Variants in HSF5 observed in about 807,000 individuals in gnomAD.
HSF5 encodes heat shock transcription factor 5, also known as heat shock factor protein 5.
In HSF5, 5 loss-of-function variants were observed where a neutral mutation model predicts 50.8. That is an observed-to-expected ratio of 0.10 (90% CI 0.05 to 0.21). The LOEUF (loss-of-function observed/expected upper bound fraction) is 0.21, where lower values mean the gene tolerates loss of function less well. Among genes scored for constraint, HSF5 ranks in the 10% least tolerant of loss-of-function variants. The pLI is 1.00. For synonymous variants in HSF5, 307 were observed against 307.4 expected, an observed-to-expected ratio of 1.00 and a Z score of 0.02; for missense variants, 564 against 762.6, an observed-to-expected ratio of 0.74 and a Z score of 3.07.
chr17:58,422,521 T>C (rs1469135381), intron 5 of HSF5, 91 bp from the exon 6 acceptor site: 2 of 931,934 alleles, frequency 2.1e-6, no homozygotes, highest in Non-Finnish European at 3.3e-6. Context: ...TGTCTATGTC[T>C]CACCTGTAGA....
intron 2 of HSF5, among the ~76,000 whole-genome samples, chr17:58,478,125 T>C (rs951621920): frequency 2.6e-5 from 4 of 151,910 alleles, no homozygotes; most frequent in African/African-American, 9.7e-5. Context: ...TGCTGTTGTG[T>C]TTTTGCAAAA....
intron 5 of HSF5, among the ~76,000 whole-genome samples, chr17:58,454,996 T>C (rs942677835): frequency 6.6e-6 from 1 of 151,888 alleles, no homozygotes; most frequent in African/African-American, 2.4e-5. Context: ...CATATAGCAA[T>C]ACAAAAGACC....
chr17:58,470,795 G>A (rs1974933562), intron 2 of HSF5, among the ~76,000 whole-genome samples: 3 of 152,102 alleles, frequency 2.0e-5, no homozygotes, highest in East Asian at 1.9e-4. Context: ...GTGTGGTGGT[G>A]CACGCCTGTA....
chr17:58,453,837 C>T (rs924324176), intron 5 of HSF5, among the ~76,000 whole-genome samples: 1 of 151,938 alleles, frequency 6.6e-6, no homozygotes, highest in African/African-American at 2.4e-5. Flanking sequence ...ACCTGTAAAC[C>T]CAGCACTTTG....
chr17:58,425,027 T>C (rs1290077190), intron 5 of HSF5, among the ~76,000 whole-genome samples: 1 of 152,136 alleles, frequency 6.6e-6, no homozygotes, highest in Non-Finnish European at 1.5e-5. Context: ...GTTTTGTAGA[T>C]GAATGGTAGT....
chr17:58,484,792 T>A (rs1162681870), intron 1 of HSF5, among the ~76,000 whole-genome samples: 3 of 152,134 alleles, frequency 2.0e-5, no homozygotes, highest in African/African-American at 7.2e-5. Context: ...TCTTCTAAAC[T>A]CCACAGTGGT....
At chr17:58,447,730 G>T (rs1974579445) in intron 5 of HSF5, among the ~76,000 whole-genome samples, 2 of 152,030 alleles carry the variant, frequency 1.3e-5, no homozygotes, top group South Asian at 2.1e-4. Flanking sequence ...GAACTCAACA[G>T]GCAGTCCTCT....
intron 4 of HSF5, among the ~76,000 whole-genome samples, chr17:58,459,786 C>T (rs1974766596): frequency 1.3e-5 from 2 of 151,938 alleles, no homozygotes; most frequent in African/African-American, 4.8e-5. Flanking sequence ...CACACCTGAC[C>T]AAAAGTAAGA....
chr17:58,438,136 C>A (rs547662199), intron 5 of HSF5, among the ~76,000 whole-genome samples: 2 of 151,926 alleles, frequency 1.3e-5, no homozygotes, highest in African/African-American at 2.4e-5. Context: ...TGATTTTGGT[C>A]AGTGACAGAC....
chr17:58,463,284 G>A lies in HSF5; in HGVS notation c.1040C>T (p.Ser347Phe), dbSNP rs758311901. ...GGAAGGCAAAAATTCAACTGGATAG[G>A]AGGACTGCATTGAAGGATTCTGGGA... ...NYFQNPSMQS[S>F]YPVEFLPSNW... is the part of the protein sequence containing the mutation. The change falls in exon 4 of 6, where the codon TCC (serine) becomes TTC (phenylalanine). Residue 347 changes from serine (S) to phenylalanine (F), a missense_variant. By Grantham distance (155) the Ser-to-Phe change is radical. Transcript: ENST00000323777. 1.4e-5 allele frequency: 22 copies of A among 1,613,104 alleles called. No homozygotes were observed. Among genetic ancestry groups the A allele is most frequent in the Non-Finnish European group, 1.8e-5 (21 of 1,179,404 alleles).
intron 2 of HSF5, chr17:58,476,037 C>CA (rs1011689973): frequency 3.3e-4 from 135 of 409,748 alleles, no homozygotes; most frequent in Admixed American, 1.3e-3. Context: ...GGAAAACAAA[C>CA]AAAAAAAACA....
chr17:58,458,851 C>G lies in HSF5; in HGVS notation c.1637G>C (p.Ser546Thr), dbSNP rs1270412952. 1 of 1,614,026 alleles carries G rather than the reference C, an allele frequency of 6.2e-7. No homozygotes were observed. Among genetic ancestry groups the G allele is most frequent in the Non-Finnish European group, 8.5e-7 (1 of 1,179,998 alleles). ...GFLISEMGPA[S>T]KPSEDTGLAT... ...TAAACCTGTGTCTTCACTAGGCTTGCTAGCAGGCCCCATTTCTGAAATGAG... is the reference window on the plus strand; with the variant it reads ...TAAACCTGTGTCTTCACTAGGCTTGGTAGCAGGCCCCATTTCTGAAATGAG... The change falls in exon 5 of 6, where the codon AGC becomes ACC. Residue 546 changes from serine (S) to threonine (T), a missense_variant. Ser to Thr is a moderately conservative substitution (Grantham distance 58, BLOSUM62 1). Transcript: ENST00000323777.
intron 5 of HSF5, among the ~76,000 whole-genome samples, chr17:58,443,557 T>C (rs1332438821): frequency 6.6e-6 from 1 of 152,202 alleles, no homozygotes. Flanking sequence ...GTCTCAAGCA[T>C]CTCTTCCTTT....
rs1974218594 is a variant in HSF5, at chr17:58,420,676, T to C, written c.*1684A>G. 1 of 152,200 alleles carries C rather than the reference T, an allele frequency of 6.6e-6. No individual in the cohort carries two copies. Among genetic ancestry groups the C allele is most frequent in the Admixed American group, 6.5e-5 (1 of 15,286 alleles). The allele number at this position is 152,200 out of a possible 1,614,324, so 9.4% of individuals were successfully genotyped here. ...CATACTCTGACAAAATATTATATAG[T>C]CTGGCCAAAAGATATAGGTGTCTTG... On this transcript the variant is annotated 3_prime_UTR_variant, in exon 6 of 6. Coordinates refer to ENST00000323777, the MANE Select transcript of HSF5 (RefSeq NM_001080439.3).
chr17:58,434,072 C>G (rs1974396527), intron 5 of HSF5, among the ~76,000 whole-genome samples: 1 of 151,808 alleles, frequency 6.6e-6, no homozygotes, highest in Admixed American at 6.6e-5. Context: ...TGCCACCCCG[C>G]CTGGTTAATT....
chr17:58,471,435 T>C (rs1010570921), intron 2 of HSF5, among the ~76,000 whole-genome samples: 1 of 152,136 alleles, frequency 6.6e-6, no homozygotes, highest in African/African-American at 2.4e-5. Context: ...TGTACATTGA[T>C]GTAGGATTAG....
intron 3 of HSF5, among the ~76,000 whole-genome samples, chr17:58,465,534 A>C (rs1032619504): frequency 6.6e-6 from 1 of 151,994 alleles, no homozygotes. Flanking sequence ...CATATCAGCC[A>C]TGAAAAATGG....
chr17:58,487,380 G>A (rs974745434), intron 1 of HSF5, among the ~76,000 whole-genome samples: 2 of 152,060 alleles, frequency 1.3e-5, no homozygotes, highest in African/African-American at 4.8e-5. Flanking sequence ...TGGGTCTCAG[G>A]AAGGTAAACG....
chr17:58,422,307 T>C lies in HSF5; in HGVS notation c.*53A>G. 7.8e-7 allele frequency: 1 copy of C among 1,280,980 alleles called. No individual in the cohort carries two copies. The highest frequency in any genetic ancestry group is 1.1e-6 in the Non-Finnish European group (1 of 882,148). The allele number at this position is 1,280,980 out of a possible 1,614,324, so 79.4% of individuals were successfully genotyped here. ...CCCAACAGTTTGTCATGTGCAAGGC[T>C]AGTCTGCCTCCAGCTACAGCTAGTG... On this transcript the variant is annotated 3_prime_UTR_variant, in exon 6 of 6. Transcript: ENST00000323777.
Sources: allele counts gnomAD v4.1 joint callset (sites outside exome capture counted in the v4.1 genomes callset), GRCh38; gene constraint gnomAD v4.1.1; transcripts MANE v1.5; gene names NCBI Gene and HGNC (gene_info 2026-07-23, HGNC 2026-07-21).